The following COL19A1 variants were observed in gnomAD, a reference collection of about 807,000 sequenced individuals.
The protein encoded by COL19A1 is collagen alpha-1(XIX) chain.
Under a neutral mutation model 190.2 loss-of-function variants are expected in COL19A1, and 159 were observed. The ratio of observed to expected loss-of-function variants is 0.84; its 90% CI spans 0.73 to 0.95. The LOEUF (loss-of-function observed/expected upper bound fraction) is 0.95. COL19A1 is among the 40% of genes least tolerant of loss of function. The pLI, the probability that COL19A1 is intolerant of heterozygous loss-of-function variation, is 0.00. For missense variants in COL19A1, 1,418 were observed against 1,431.9 expected (o/e 0.99, Z 0.16); for synonymous variants, 509 against 458.9 (o/e 1.11, Z -1.39).
chr6:70,028,536 G>C (rs1778850516), intron 12 of COL19A1, among the ~76,000 whole-genome samples: 1 of 152,146 alleles, frequency 6.6e-6, no homozygotes, highest in Non-Finnish European at 1.5e-5. Flanking sequence ...AGATTCCTAG[G>C]AAGGGGGTTT....
intron 47 of COL19A1, among the ~76,000 whole-genome samples, chr6:70,189,139 T>A (rs1162278157): frequency 1.3e-5 from 2 of 152,226 alleles, no homozygotes; most frequent in Non-Finnish European, 2.9e-5. Flanking sequence ...ATATTGGATT[T>A]TTTTTATTTT....
intron 11 of COL19A1, among the ~76,000 whole-genome samples, chr6:69,977,428 G>T (rs1775781037): frequency 7.4e-6 from 1 of 135,252 alleles, no homozygotes; most frequent in Non-Finnish European, 1.6e-5. Flanking sequence ...TGGGGGGAGG[G>T]GGGAGGGGGG....
intron 15 of COL19A1, among the ~76,000 whole-genome samples, chr6:70,088,883 T>A (rs1390730479): frequency 1.3e-5 from 2 of 152,208 alleles, no homozygotes; most frequent in African/African-American, 4.8e-5. Context: ...GGCAGTTGAT[T>A]TCTCATTAAA....
At chr6:70,053,695 A>T (rs1457857154) in intron 14 of COL19A1, among the ~76,000 whole-genome samples, 2 of 152,190 alleles carry the variant, frequency 1.3e-5, no homozygotes, top group Non-Finnish European at 2.9e-5. Context: ...TAGCCCTCAG[A>T]TGTATTTAGA....
chr6:70,146,965 G>C (rs1040579215), intron 27 of COL19A1, 76 bp downstream of exon 27: 2 of 1,263,336 alleles, frequency 1.6e-6, no homozygotes, highest in Non-Finnish European at 2.2e-6. Context: ...TTAACAAGGA[G>C]AAAAGAATAG....
rs183980299 is a variant in COL19A1, at chr6:69,896,048, A to G, written c.92-2900A>G. Among the ~76,000 whole-genome samples, 377 of 152,292 alleles carry G rather than the reference A, an allele frequency of 2.5e-3. 2 individuals carry two copies. Among genetic ancestry groups the G allele is most frequent in the African/African-American group, 8.6e-3 (356 of 41,538 alleles). On this transcript the variant is annotated intron_variant, in intron 2 of 50. Coordinates refer to ENST00000620364, the MANE Select transcript of COL19A1 (RefSeq NM_001858.6). ...TTAGCTTTAGTAAATACTGCCAAACAGTTTTCTAAAGTGTACTAATTTCCA... is the reference window on the plus strand; with the variant it reads ...TTAGCTTTAGTAAATACTGCCAAACGGTTTTCTAAAGTGTACTAATTTCCA...
At chr6:69,904,212 A>G (rs1396437623) in intron 4 of COL19A1, among the ~76,000 whole-genome samples, 2 of 152,194 alleles carry the variant, frequency 1.3e-5, no homozygotes, top group Non-Finnish European at 2.9e-5. Flanking sequence ...GGTCTGCTCT[A>G]TACCCATCTT....
chr6:70,020,609 A>G (rs1210129569), intron 11 of COL19A1, among the ~76,000 whole-genome samples: 3 of 152,116 alleles, frequency 2.0e-5, no homozygotes, highest in Non-Finnish European at 4.4e-5. Flanking sequence ...TATTCATGCT[A>G]TATATCAGTG....
At chr6:70,163,217 C>T in intron 35 of COL19A1, 126 bp from the exon 36 acceptor site, 1 of 817,766 alleles carries the variant, frequency 1.2e-6, no homozygotes, top group Non-Finnish European at 2.0e-6. Flanking sequence ...GAAACATAAG[C>T]TTCTAGGGCT....
chr6:69,927,254 T>C (rs375733801), intron 4 of COL19A1, among the ~76,000 whole-genome samples: 10 of 152,288 alleles, frequency 6.6e-5, no homozygotes, highest in African/African-American at 2.4e-4. Flanking sequence ...TATTTTCTTA[T>C]CAGATTTAAA....
At chr6:70,136,944 G>T (rs1348933741) in intron 18 of COL19A1, among the ~76,000 whole-genome samples, 1 of 152,118 alleles carries the variant, frequency 6.6e-6, no homozygotes, top group Non-Finnish European at 1.5e-5. Flanking sequence ...TTTAAGAATT[G>T]TGTAGGTATT....
At chr6:70,005,908 T>C (rs1160906712) in intron 11 of COL19A1, among the ~76,000 whole-genome samples, 1 of 152,056 alleles carries the variant, frequency 6.6e-6, no homozygotes, top group Admixed American at 6.5e-5. Context: ...GAAGGATGAG[T>C]CAGAGTCAGG....
At chr6:70,096,916 T>A (rs185335872) in intron 15 of COL19A1, among the ~76,000 whole-genome samples, 10 of 152,276 alleles carry the variant, frequency 6.6e-5, no homozygotes, top group African/African-American at 2.4e-4. Context: ...TCCCAGCTAC[T>A]CAGAAGAGGG....
In COL19A1 at chr6:70,149,901, T is replaced by G; in HGVS notation, c.1980T>G (p.Asn660Lys). 1 of 1,613,780 alleles carries G rather than the reference T, an allele frequency of 6.2e-7. No individual in the cohort carries two copies. The highest frequency in any genetic ancestry group is 8.5e-7 in the Non-Finnish European group (1 of 1,179,802). The change falls in exon 29 of 51, where the codon AAT (asparagine) becomes AAG (lysine). Residue 660 changes from asparagine (N) to lysine (K), a missense_variant. Physicochemically the swap from Asn to Lys is moderately conservative, Grantham distance 94. Transcript: ENST00000620364. ...CAGGAACTCCAGGGACTCCAGGGAA[T>G]GATGTAAGGACTTTCTTTATCTACC... ...GLPGTPGTPG[N>K]DGVPGRDGKP...
At chr6:69,895,140 G>T (rs774330130) in intron 2 of COL19A1, among the ~76,000 whole-genome samples, 1 of 152,158 alleles carries the variant, frequency 6.6e-6, no homozygotes, top group South Asian at 2.1e-4. Flanking sequence ...GGCTGTGGGG[G>T]ACTTTTGAGC....
intron 1 of COL19A1, among the ~76,000 whole-genome samples, chr6:69,879,232 T>C (rs1768338217): frequency 6.6e-6 from 1 of 152,044 alleles, no homozygotes; most frequent in Admixed American, 6.6e-5. Flanking sequence ...TGTTTAAAAA[T>C]AAAAAAGTGT....
chr6:69,990,107 T>TA (rs1238818371), intron 11 of COL19A1, among the ~76,000 whole-genome samples: 2 of 152,072 alleles, frequency 1.3e-5, no homozygotes, highest in Admixed American at 6.6e-5. Flanking sequence ...CTAGGCATAA[T>TA]AAAAAATTGT....
At chr6:69,944,864 C>G (rs1773698889) in intron 9 of COL19A1, among the ~76,000 whole-genome samples, 1 of 152,102 alleles carries the variant, frequency 6.6e-6, no homozygotes, top group East Asian at 1.9e-4. Context: ...TAACCATGCT[C>G]TTTAACACTA....
intron 14 of COL19A1, among the ~76,000 whole-genome samples, chr6:70,053,898 A>G (rs1780351902): frequency 6.6e-6 from 1 of 152,238 alleles, no homozygotes; most frequent in Non-Finnish European, 1.5e-5. Context: ...GAGATCTCAC[A>G]GATTTTATGA....
Sources: gnomAD v4.1 joint callset for allele counts (sites outside exome capture counted in the v4.1 genomes callset) on GRCh38, gnomAD v4.1.1 for gene constraint, MANE v1.5 for transcripts, NCBI Gene and HGNC (gene_info 2026-07-23, HGNC 2026-07-21) for gene names.